The following DACT3 variants were observed in gnomAD, a reference collection of about 807,000 sequenced individuals.
DACT3 encodes dapper homolog 3.
In DACT3, 5 loss-of-function variants were observed where a neutral mutation model predicts 19.6. The ratio of observed to expected loss-of-function variants is 0.26; its 90% CI spans 0.13 to 0.54. The LOEUF (loss-of-function observed/expected upper bound fraction) is 0.54, where lower values mean the gene tolerates loss of function less well. Ranked by LOEUF, DACT3 falls within the 20% of genes least tolerant of loss-of-function variation. The pLI, the probability that DACT3 is intolerant of heterozygous loss-of-function variation, is 0.95. For missense variants in DACT3, 908 were observed against 927.4 expected, an observed-to-expected ratio of 0.98 and a Z score of 0.27; for synonymous variants, 454 against 428.1, an observed-to-expected ratio of 1.06 and a Z score of -0.75.
chr19:46,654,626 G>A, intron 1 of DACT3: 1 of 985,464 alleles, frequency 1.0e-6, no homozygotes, highest in Non-Finnish European at 1.2e-6. Flanking sequence ...GAGGGTCAGA[G>A]CCAGAAAAAG....
Position 46,649,882 on chromosome 19 carries a change from G to T in DACT3, c.500-10C>A. ...CTGGGACTGGCGTCTCCTAGGGAAG[G>T]AAGGCCAAAAAAAAAAAAAAAAGAG... is the stretch of plus-strand genomic sequence containing the variant. On this transcript the variant is annotated splice_polypyrimidine_tract_variant and intron_variant, in intron 3 of 3. Transcript: ENST00000391916. 1.5e-6 allele frequency: 2 copies of T among 1,303,678 alleles called. No homozygotes were observed. Among genetic ancestry groups the T allele is most frequent in the Non-Finnish European group, 1.9e-6 (2 of 1,044,544 alleles). 80.8% of individuals were successfully genotyped at this position (1,303,678 alleles called of 1,614,324 possible).
chr19:46,659,331 G>T (rs1012981527), intron 1 of DACT3: 4 of 946,900 alleles, frequency 4.2e-6, no homozygotes, highest in Non-Finnish European at 5.0e-6. Context: ...AGGAGAGGGA[G>T]ACTGAAGGGC....
In DACT3 at chr19:46,649,005, C is replaced by T. The variant is rs1296696566; in HGVS notation, c.1367G>A (p.Arg456Gln). 1.6e-6 allele frequency: 2 copies of T among 1,266,866 alleles called. No individual in the cohort carries two copies. The highest frequency in any genetic ancestry group is 2.0e-6 in the Non-Finnish European group (2 of 1,008,124). The allele number at this position is 1,266,866 out of a possible 1,614,324, so 78.5% of individuals were successfully genotyped here. The change falls in exon 4 of 4, where the codon CGG becomes CAG. Residue 456 changes from arginine to glutamine, a missense_variant. Around this residue, in one of 2 missense-constraint regions of DACT3, gnomAD observed 656 missense variants for 601.8 expected, o/e 1.09. Transcript: ENST00000391916. The part of the protein sequence containing the change: ...TAEREEPRPP[R>Q]PRRGPAPTLA... ...CGTGGGCGCTGGGCCGCGGCGTGGC[C>T]GTGGAGGCCGAGGCTCTTCCCGCTC...
chr19:46,648,702 G>A lies in DACT3; in HGVS notation c.1670C>T (p.Ser557Leu). Residue 557 changes from serine (S) to leucine (L), a missense_variant, in exon 4 of 4, where the codon TCG becomes TTG. Coordinates refer to ENST00000391916, the MANE Select transcript of DACT3 (RefSeq NM_145056.3). The surrounding 1 kb of genome is among the most constrained non-coding windows in gnomAD (Gnocchi z 5.1). ...ESESSASEGE[S>L]PAFSSASSDS... is the part of the protein sequence containing the mutation. ...GCTGGAGGCAGAGCTGAAGGCAGGC[G>A]ATTCTCCCTCGCTGGCGCTCGATTC... The A allele has an allele frequency of 6.2e-7, 1 of 1,609,588 alleles. No individual in the cohort carries two copies. The highest frequency in any genetic ancestry group is 8.5e-7 in the Non-Finnish European group (1 of 1,179,164).
Position 46,648,713 on chromosome 19 carries a change from G to A in DACT3, c.1659C>T (p.Ser553=). ...GGYGESESSA[S]EGESPAFSSA... ...AGCTGAAGGCAGGCGATTCTCCCTC[G>A]CTGGCGCTCGATTCGCTCTCCCCGT... The change falls in exon 4 of 4, where the codon AGC becomes AGT. Residue 553 remains serine (S), a synonymous_variant. Coordinates refer to ENST00000391916, the MANE Select transcript of DACT3 (RefSeq NM_145056.3). The surrounding 1 kb of genome is among the most constrained non-coding windows in gnomAD (Gnocchi z 5.1). 1 of 1,606,906 alleles carries A rather than the reference G, an allele frequency of 6.2e-7. No individual in the cohort carries two copies. Among genetic ancestry groups the A allele is most frequent in the Non-Finnish European group, 8.5e-7 (1 of 1,178,848 alleles).
In DACT3 at chr19:46,648,837, C is replaced by T. The variant is rs894526552; in HGVS notation, c.1535G>A (p.Arg512His). ...PGPSPSAPQR[R>H]LLYGCAGSDS... Reference sequence around the variant, plus strand: ...GCTGCCCGCGCAGCCGTAAAGCAGACGACGCTGGGGAGCTGACGGGGACGG... The same window carrying T: ...GCTGCCCGCGCAGCCGTAAAGCAGATGACGCTGGGGAGCTGACGGGGACGG... Residue 512 changes from arginine (R) to histidine (H), a missense_variant, in exon 4 of 4, where the codon CGT becomes CAT. Physicochemically the swap from Arg to His is conservative, Grantham distance 29. Around this residue, in one of 2 missense-constraint regions of DACT3, gnomAD observed 656 missense variants for 601.8 expected, o/e 1.09. Coordinates refer to ENST00000391916, the MANE Select transcript of DACT3 (RefSeq NM_145056.3). The surrounding 1 kb of genome is among the most constrained non-coding windows in gnomAD (Gnocchi z 5.1). The T allele has an allele frequency of 6.7e-6, 10 of 1,501,888 alleles. No homozygotes were observed. Among genetic ancestry groups the T allele is most frequent in the South Asian group, 5.0e-5 (4 of 80,226 alleles). The allele number at this position is 1,501,888 out of a possible 1,614,324, so 93.0% of individuals were successfully genotyped here.
chr19:46,657,331 G>A (rs2053039891), intron 1 of DACT3, among the ~76,000 whole-genome samples: 1 of 150,166 alleles, frequency 6.7e-6, no homozygotes, highest in African/African-American at 2.4e-5. Context: ...GTTATTGTGA[G>A]GATTAAATGA....
At chr19:46,655,075 G>A (rs1171343688) in intron 1 of DACT3, 12 of 985,068 alleles carry the variant, frequency 1.2e-5, no homozygotes, top group African/African-American at 7.0e-5. Context: ...TGTCACGTCC[G>A]TCACAAATCA....
chr19:46,648,425 G>A lies in DACT3; in HGVS notation c.*57C>T. On this transcript the variant is annotated 3_prime_UTR_variant, in exon 4 of 4. Coordinates refer to ENST00000391916, the MANE Select transcript of DACT3 (RefSeq NM_145056.3). This position sits in a 1 kb window ranked among gnomAD's most constrained non-coding sequence, Gnocchi z 5.1. ...GAAGGTAGATGTGGAAGGGTCAGTG[G>A]TTGGGAGTGTGGAGGTGCAGAGGCC... 6.2e-7 allele frequency: 1 copy of A among 1,612,022 alleles called. No homozygotes were observed. The highest frequency in any genetic ancestry group is 8.5e-7 in the Non-Finnish European group (1 of 1,178,808).
At chr19:46,653,982 A>G in intron 1 of DACT3, 1 of 985,344 alleles carries the variant, frequency 1.0e-6, no homozygotes, top group Non-Finnish European at 1.2e-6. Flanking sequence ...TGGGTAAAAT[A>G]GGCTGACCAC....
chr19:46,658,553 C>T lies in DACT3; in HGVS notation c.249+2263G>A, dbSNP rs116634069. Reference sequence around the variant, plus strand: ...CCTCCTCCTCTCCAGCACCTAGACGCCCCCCAAAAATATTCCAAGTCTACA... The same window carrying T: ...CCTCCTCCTCTCCAGCACCTAGACGTCCCCCAAAAATATTCCAAGTCTACA... On this transcript the variant is annotated intron_variant, in intron 1 of 3. Coordinates refer to ENST00000391916, the MANE Select transcript of DACT3 (RefSeq NM_145056.3). Among the ~76,000 whole-genome samples the T allele has an allele frequency of 2.6e-3, 396 of 152,098 alleles. 1 individual carries two copies. Among genetic ancestry groups the T allele is most frequent in the African/African-American group, 8.9e-3 (371 of 41,458 alleles).
chr19:46,648,758 C>T lies in DACT3; in HGVS notation c.1614G>A (p.Ala538=). The change falls in exon 4 of 4, where the codon GCG becomes GCA. Residue 538 remains alanine, a synonymous_variant. Transcript: ENST00000391916. This position sits in a 1 kb window ranked among gnomAD's most constrained non-coding sequence, Gnocchi z 5.1. ...RLGPLGRRGP[A]GGVGGGYGES... ...CCCCGTAACCCCCGCCGACGCCTCCCGCAGGCCCCCGGCGTCCCAGGGGCC... is the reference window on the plus strand; with the variant it reads ...CCCCGTAACCCCCGCCGACGCCTCCTGCAGGCCCCCGGCGTCCCAGGGGCC... 2 of 1,567,530 alleles carry T rather than the reference C, an allele frequency of 1.3e-6. No homozygotes were observed. Among genetic ancestry groups the T allele is most frequent in the Admixed American group, 1.9e-5 (1 of 53,320 alleles).
rs2052943088 is a variant in DACT3 at position 46,648,689 on chromosome 19, G to A, written c.1683C>T (p.Ser561=). The change falls in exon 4 of 4, where the codon AGC becomes AGT. Residue 561 remains serine, a synonymous_variant. Transcript: ENST00000391916. This position sits in a 1 kb window ranked among gnomAD's most constrained non-coding sequence, Gnocchi z 5.1. ...SASEGESPAF[S]SASSDSDGSG... ...TGCCGTCTGAGTCGCTGGAGGCAGA[G>A]CTGAAGGCAGGCGATTCTCCCTCGC... 4 of 1,610,828 alleles carry A rather than the reference G, an allele frequency of 2.5e-6. No individual in the cohort carries two copies. The South Asian group carries it at 4.4e-5, about 18-fold the overall frequency.
intron 3 of DACT3, chr19:46,651,892 T>C (rs2052990026): frequency 6.6e-6 from 1 of 151,924 alleles, no homozygotes; most frequent in South Asian, 2.1e-4. Flanking sequence ...TACCATTTTA[T>C]ATTTATTTAT....
At chr19:46,653,138 A>G in intron 1 of DACT3, 63 bp from the exon 2 acceptor site, 2 of 1,537,416 alleles carry the variant, frequency 1.3e-6, no homozygotes, top group Non-Finnish European at 8.7e-7. Context: ...CTGGTCCCCT[A>G]TTCCACGAGC....
rs1340873598 is a variant in DACT3 at position 46,647,862 on chromosome 19, C to T, written c.*620G>A. ...GAATCCTCCATAATTGTCCAGGGATCGAAGTGAAAGAGTCCTTCTTTCCAG... is the reference window on the plus strand; with the variant it reads ...GAATCCTCCATAATTGTCCAGGGATTGAAGTGAAAGAGTCCTTCTTTCCAG... On this transcript the variant is annotated 3_prime_UTR_variant, in exon 4 of 4. Transcript: ENST00000391916. 1 of 152,714 alleles carries T rather than the reference C, an allele frequency of 6.5e-6. No homozygotes were observed. Among genetic ancestry groups the T allele is most frequent in the South Asian group, 2.1e-4 (1 of 4,824 alleles). The allele number at this position is 152,714 out of a possible 1,614,324, so 9.5% of individuals were successfully genotyped here. A position where few individuals can be genotyped will look rare whatever the true frequency, so the allele number is the denominator to read the frequency against.
intron 3 of DACT3, chr19:46,650,799 G>T (rs2052976745): frequency 6.6e-6 from 1 of 152,092 alleles, no homozygotes; most frequent in Non-Finnish European, 1.5e-5. Context: ...GAGCCTTTCT[G>T]CTTCCCATTC....
Position 46,649,599 on chromosome 19 carries a change from C to A in DACT3, c.773G>T (p.Arg258Leu). The A allele has an allele frequency of 1.8e-6, 2 of 1,119,676 alleles. No individual in the cohort carries two copies. The highest frequency in any genetic ancestry group is 1.7e-5 in the African/African-American group (1 of 59,524). The allele number at this position is 1,119,676 out of a possible 1,614,324, so 69.4% of individuals were successfully genotyped here. ...PLDGYISALL[R>L]RRRRRGAGQP... ...GCCCGCCCCCCGGCGGCGGCGCCTGCGCAGGAGCGCCGAGATGTAGCCGTC... is the reference window on the plus strand; with the variant it reads ...GCCCGCCCCCCGGCGGCGGCGCCTGAGCAGGAGCGCCGAGATGTAGCCGTC... Residue 258 changes from arginine to leucine, a missense_variant, in exon 4 of 4, where the codon CGC becomes CTC. Arg to Leu is a moderately radical substitution (Grantham distance 102). Coordinates refer to ENST00000391916, the MANE Select transcript of DACT3 (RefSeq NM_145056.3).
At chr19:46,656,495 A>G (rs375109151) in intron 1 of DACT3, among the ~76,000 whole-genome samples, 1 of 152,008 alleles carries the variant, frequency 6.6e-6, no homozygotes, top group African/African-American at 2.4e-5. Flanking sequence ...CTACAGGCAC[A>G]TGCCACCACA....
Sources: allele counts gnomAD v4.1 joint callset (sites outside exome capture counted in the v4.1 genomes callset), GRCh38; gene constraint gnomAD v4.1.1; regional missense constraint gnomAD v4.1.1; non-coding constraint Gnocchi (gnomAD v3.1); transcripts MANE v1.5; gene names NCBI Gene and HGNC (gene_info 2026-07-23, HGNC 2026-07-21).